THAP5: variants seen among roughly 807,000 people sequenced by gnomAD.
The protein encoded by THAP5 is THAP domain-containing protein 5.
THAP5 carries 26 observed loss-of-function variants against 34.0 expected under a neutral mutation model. The ratio of observed to expected loss-of-function variants is 0.77; its 90% CI spans 0.56 to 1.06. The LOEUF (loss-of-function observed/expected upper bound fraction) is 1.06. Ranked by LOEUF, THAP5 falls within the 50% of genes least tolerant of loss-of-function variation. The pLI is 0.00. For synonymous variants in THAP5, 125 were observed against 153.0 expected, an observed-to-expected ratio of 0.82 and a Z score of 1.35; for missense variants, 394 against 452.8, an observed-to-expected ratio of 0.87 and a Z score of 1.18.
At chr7:108,558,530 T>G (rs1358223913), downstream of THAP5, among the ~76,000 whole-genome samples, 2 of 150,732 alleles carry the variant, frequency 1.3e-5, no homozygotes, top group Non-Finnish European at 3.0e-5. Flanking sequence ...CCTGAGTATC[T>G]AGGATTACAG....
downstream of THAP5, among the ~76,000 whole-genome samples, chr7:108,550,880 A>G (rs775902134): frequency 5.9e-5 from 9 of 152,192 alleles, no homozygotes; most frequent in Non-Finnish European, 1.3e-4. Context: ...CGGCTTCAAC[A>G]CATGAATTTT....
Position 108,564,832 on chromosome 7 carries a change from A to G in THAP5, c.547T>C (p.Ser183Pro), listed in dbSNP as rs1364349688. Residue 183 changes from serine (S) to proline (P), a missense_variant, in exon 3 of 3, where the codon TCA becomes CCA. Coordinates refer to ENST00000415914, the MANE Select transcript of THAP5 (RefSeq NM_001130475.3). ...CCTCTACCTGTATCTTGGTTAACTG[A>G]TGTTTCCAAGGTAGATTCTGGTTTC... is the stretch of plus-strand genomic sequence containing the variant. ...TGKPESTLETSVNQDTGRGGF... is the reference protein window; with the variant it reads ...TGKPESTLETPVNQDTGRGGF... The G allele has an allele frequency of 6.8e-6, 11 of 1,613,008 alleles. No homozygotes were observed. The highest frequency in any genetic ancestry group is 9.3e-6 in the Non-Finnish European group (11 of 1,179,440).
intron 1 of THAP5, chr7:108,568,161 C>T (rs1790525938): frequency 6.6e-6 from 1 of 152,228 alleles, no homozygotes; most frequent in Admixed American, 6.5e-5. Context: ...TCAAGGGAGA[C>T]AATCCTGGAA....
chr7:108,556,561 C>T (rs73426199), intron 1 of THAP5, among the ~76,000 whole-genome samples: 3 of 152,228 alleles, frequency 2.0e-5, no homozygotes, highest in Non-Finnish European at 4.4e-5. Context: ...GAAACAATCT[C>T]TTTTGACTCC....
At chr7:108,543,996 T>C in the THAP5 span, among the ~76,000 whole-genome samples, 2 of 152,204 alleles carry the variant, frequency 1.3e-5, no homozygotes, top group East Asian at 1.9e-4. Flanking sequence ...GCCAATAAAT[T>C]TGACAACTTA....
In THAP5 at chr7:108,569,580, AG is replaced by A. The variant is rs1430726362; in HGVS notation, c.-12del. On this transcript the variant is annotated 5_prime_UTR_variant, in exon 1 of 3. Coordinates refer to ENST00000415914, the MANE Select transcript of THAP5 (RefSeq NM_001130475.3). ...GCAATAGCGGGGCATGACTCGGGTGAGGCCCCTGGAGACCGGGGCCGGCGAC... is the reference window on the plus strand; with the variant it reads ...GCAATAGCGGGGCATGACTCGGGTGAGCCCCTGGAGACCGGGGCCGGCGAC... 13 of 1,550,918 alleles carry A rather than the reference AG, an allele frequency of 8.4e-6. No homozygotes were observed. The Admixed American group carries it at 2.2e-4, about 26-fold the overall frequency.
chr7:108,549,554 A>G (rs575098954), downstream of THAP5, among the ~76,000 whole-genome samples: 1 of 152,296 alleles, frequency 6.6e-6, no homozygotes, highest in African/African-American at 2.4e-5. Context: ...GCATACACAC[A>G]CACCCTTCTA....
At position 108,565,821 on chromosome 7, in the gene THAP5, C is replaced by T; in HGVS notation, c.273+9G>A. 6.5e-7 allele frequency: 1 copy of T among 1,535,158 alleles called. No homozygotes were observed. Among genetic ancestry groups the T allele is most frequent in the East Asian group, 2.5e-5 (1 of 40,790 alleles). On this transcript the variant is annotated intron_variant, in intron 2 of 2. Coordinates refer to ENST00000415914, the MANE Select transcript of THAP5 (RefSeq NM_001130475.3). Reference sequence around the variant, plus strand: ...TGCTCAGCATTACCCCTCTCCCATACTGCAATACCTGATTGTCTTCAGGCA... The same window carrying T: ...TGCTCAGCATTACCCCTCTCCCATATTGCAATACCTGATTGTCTTCAGGCA...
chr7:108,550,889 T>C (rs548609251), downstream of THAP5, among the ~76,000 whole-genome samples: 14 of 152,346 alleles, frequency 9.2e-5, 1 homozygote, highest in South Asian at 2.3e-3. Context: ...CACATGAATT[T>C]TCAGGGGACA....
In THAP5 at chr7:108,569,598, G is replaced by C; in HGVS notation, c.-29C>G. The stretch of plus-strand genomic sequence containing the variant: ...TCGGGTGAGGCCCCTGGAGACCGGG[G>C]CCGGCGACGGATGCAGGGCGGCCCT... On this transcript the variant is annotated 5_prime_UTR_variant, in exon 1 of 3. Coordinates refer to ENST00000415914, the MANE Select transcript of THAP5 (RefSeq NM_001130475.3). The C allele has an allele frequency of 6.5e-7, 1 of 1,549,922 alleles. No homozygotes were observed. Among genetic ancestry groups the C allele is most frequent in the Non-Finnish European group, 8.7e-7 (1 of 1,147,006 alleles).
At chr7:108,542,114 G>T in the THAP5 span, among the ~76,000 whole-genome samples, 1 of 152,128 alleles carries the variant, frequency 6.6e-6, no homozygotes, top group African/African-American at 2.4e-5. Flanking sequence ...TGTCGAATTT[G>T]TATTGCTATT....
chr7:108,550,720 C>T (rs1487975198), downstream of THAP5, among the ~76,000 whole-genome samples: 1 of 152,172 alleles, frequency 6.6e-6, no homozygotes, highest in Non-Finnish European at 1.5e-5. Context: ...CCCTTGCATC[C>T]CTCATGTCTC....
At chr7:108,566,246 T>C (rs946445003) in intron 1 of THAP5, among the ~76,000 whole-genome samples, 2 of 152,182 alleles carry the variant, frequency 1.3e-5, no homozygotes, top group African/African-American at 2.4e-5. Flanking sequence ...AAGGCTCTTA[T>C]CTGATAAGAG....
At chr7:108,568,879 A>T (rs1452733171) in intron 1 of THAP5, among the ~76,000 whole-genome samples, 2 of 152,208 alleles carry the variant, frequency 1.3e-5, no homozygotes, top group Non-Finnish European at 2.9e-5. Context: ...TCTGAATAAA[A>T]ATCAGTGCTT....
In THAP5 at chr7:108,564,979, C is replaced by G. The variant is rs754655840; in HGVS notation, c.400G>C (p.Asp134His). ...NETKKNIVNT[D>H]VPHQHPELLH... ...AATTCTGGATGTTGATGGGGCACATCTGTGTTAACTATATTTTTCTTTGTC... is the reference window on the plus strand; with the variant it reads ...AATTCTGGATGTTGATGGGGCACATGTGTGTTAACTATATTTTTCTTTGTC... Residue 134 changes from aspartate (D) to histidine (H), a missense_variant, in exon 3 of 3, where the codon GAT (aspartate) becomes CAT (histidine). Coordinates refer to ENST00000415914, the MANE Select transcript of THAP5 (RefSeq NM_001130475.3). 16 of 1,553,828 alleles carry G rather than the reference C, an allele frequency of 1.0e-5. No individual in the cohort carries two copies. The African/African-American group carries it at 2.0e-4, about 20-fold the overall frequency.
the THAP5 span, among the ~76,000 whole-genome samples, chr7:108,545,974 C>A: frequency 6.6e-6 from 1 of 151,978 alleles, no homozygotes; most frequent in African/African-American, 2.4e-5. Context: ...AGTTGAGATA[C>A]ACAGTAGGGC....
At chr7:108,552,880 G>T (rs1364433151), downstream of THAP5, among the ~76,000 whole-genome samples, 1 of 152,164 alleles carries the variant, frequency 6.6e-6, no homozygotes, top group African/African-American at 2.4e-5. Context: ...TGTTGCATTT[G>T]CTATCTCAAA....
At chr7:108,541,950 G>T in the THAP5 span, among the ~76,000 whole-genome samples, 10 of 152,232 alleles carry the variant, frequency 6.6e-5, no homozygotes, top group African/African-American at 2.4e-4. Flanking sequence ...TATATGTGAA[G>T]ATGTTTTTCT....
rs914575779 is a variant in THAP5, at chr7:108,565,178, T to C, written c.274-73A>G. 1.1e-5 allele frequency: 13 copies of C among 1,225,384 alleles called. No individual in the cohort carries two copies. The African/African-American group carries it at 1.7e-4, about 16-fold the overall frequency. The allele number at this position is 1,225,384 out of a possible 1,614,324, so 75.9% of individuals were successfully genotyped here. ...TTATTATGCTAGTGCTATTTAATTA[T>C]AATATTGAGTAGTACACTGGCCAAG... is the stretch of plus-strand genomic sequence containing the variant. On this transcript the variant is annotated intron_variant, in intron 2 of 2. Coordinates refer to ENST00000415914, the MANE Select transcript of THAP5 (RefSeq NM_001130475.3).
Sources: gnomAD v4.1 joint callset for allele counts (sites outside exome capture counted in the v4.1 genomes callset) on GRCh38, gnomAD v4.1.1 for gene constraint, MANE v1.5 for transcripts, NCBI Gene and HGNC (gene_info 2026-07-23, HGNC 2026-07-21) for gene names.